The following HUWE1 variants were observed in gnomAD, a reference collection of about 807,000 sequenced individuals.
The protein encoded by HUWE1 is HECT, UBA and WWE domain containing E3 ubiquitin protein ligase 1.
HUWE1 carries 18 observed loss-of-function variants against 299.4 expected under a neutral mutation model. The ratio of observed to expected loss-of-function variants is 0.06; its 90% CI spans 0.04 to 0.09. The LOEUF is 0.09. HUWE1 is among the 10% of genes least tolerant of loss of function. The pLI is 1.00. For synonymous variants in HUWE1, 1,317 were observed against 1,286.1 expected (o/e 1.02, Z -0.51); for missense variants, 1,832 against 3,462.3 (o/e 0.53, Z 11.82).
intron 55 of HUWE1, 92 bp downstream of exon 55, chrX:53,561,664 G>A: frequency 8.5e-7 from 1 of 1,169,713 alleles, no homozygotes; most frequent in Non-Finnish European, 1.2e-6. Flanking sequence ...AGTGCTGTCT[G>A]TATCGGATCG....
At chrX:53,560,724 C>T (rs1569444012) in intron 55 of HUWE1, among the ~76,000 whole-genome samples, 1 of 111,957 alleles carries the variant, frequency 8.9e-6, no homozygotes, top group Non-Finnish European at 1.9e-5. Flanking sequence ...AGACTCCTCT[C>T]CCGCTTCTTT....
At chrX:53,601,392 C>T (rs782073528) in intron 28 of HUWE1, among the ~76,000 whole-genome samples, 1 of 110,070 alleles carries the variant, frequency 9.1e-6, no homozygotes, top group Non-Finnish European at 1.9e-5. Context: ...TCATGTTGCC[C>T]AAGCGGGTCT....
chrX:53,537,702 G>A lies in HUWE1; in HGVS notation c.11997-6C>T. 1 of 1,206,940 alleles carries A rather than the reference G, an allele frequency of 8.3e-7. No homozygotes were observed. The highest frequency in any genetic ancestry group is 1.1e-6 in the Non-Finnish European group (1 of 892,912). ...CCAGCTCTTGGCGGAAATATCTTGG[G>A]AGGTAGAAAAGGAAGGAAGATAGGA... On this transcript the variant is annotated splice_region_variant and splice_polypyrimidine_tract_variant and intron_variant, in intron 77 of 83. Coordinates refer to ENST00000262854, the MANE Select transcript of HUWE1 (RefSeq NM_031407.7).
chrX:53,647,859 AGAACT>A (rs1352656969), intron 5 of HUWE1, among the ~76,000 whole-genome samples: 4 of 112,503 alleles, frequency 3.6e-5, no homozygotes, highest in Admixed American at 2.8e-4. Context: ...CGAAGACAAG[AGAACT>A]ATCCTTGCCA....
intron 3 of HUWE1, among the ~76,000 whole-genome samples, chrX:53,657,799 C>T (rs1434395803): frequency 9.0e-6 from 1 of 110,571 alleles, no homozygotes; most frequent in Non-Finnish European, 1.9e-5. Flanking sequence ...TCTGCAATCC[C>T]AGCACTTTGG....
intron 48 of HUWE1, among the ~76,000 whole-genome samples, chrX:53,569,152 G>C (rs782626549): frequency 9.0e-6 from 1 of 111,048 alleles, no homozygotes; most frequent in Non-Finnish European, 1.9e-5. Flanking sequence ...TCAGCCTCCC[G>C]AGTAGCTGGG....
At chrX:53,590,371 CA>C in intron 35 of HUWE1, 32 bp downstream of exon 35, 1 of 927,399 alleles carries the variant, frequency 1.1e-6, no homozygotes, top group Non-Finnish European at 1.6e-6. Flanking sequence ...ATTCATGTGC[CA>C]AGCCCTTTAG....
intron 7 of HUWE1, among the ~76,000 whole-genome samples, chrX:53,637,393 A>G (rs1176016836): frequency 8.9e-6 from 1 of 112,846 alleles, no homozygotes; most frequent in Non-Finnish European, 1.9e-5. Flanking sequence ...GCTGAAAACC[A>G]TAAAGTAAGG....
rs1259360238 is a variant in HUWE1 at position 53,668,170 on chromosome X, G to A, written c.-25+11879C>T. Among the ~76,000 whole-genome samples the A allele has an allele frequency of 3.6e-5, 4 of 110,551 alleles. No homozygotes were observed. The East Asian group carries it at 1.1e-3, about 31-fold the overall frequency. ...AAAGATCAAACCTCCCCGGCCGGGC[G>A]CGGTGGCTCACCCCTATAATCCTAG... On this transcript the variant is annotated intron_variant, in intron 3 of 83. Transcript: ENST00000262854.
At chrX:53,613,038 C>T (rs2065583273) in intron 23 of HUWE1, among the ~76,000 whole-genome samples, 1 of 110,899 alleles carries the variant, frequency 9.0e-6, no homozygotes, top group Non-Finnish European at 1.9e-5. Context: ...GAAAAGGAAC[C>T]CCACACTCCA....
At chrX:53,605,877 C>T (rs2065121793) in intron 25 of HUWE1, among the ~76,000 whole-genome samples, 1 of 111,355 alleles carries the variant, frequency 9.0e-6, no homozygotes, top group African/African-American at 3.3e-5. Flanking sequence ...TATATATGGT[C>T]AAATGATTTT....
At chrX:53,600,402 T>C (rs1451912647) in intron 28 of HUWE1, 93 bp from the exon 29 acceptor site, 4 of 676,036 alleles carry the variant, frequency 5.9e-6, no homozygotes, top group Admixed American at 6.8e-5. Flanking sequence ...CTATGGTTTT[T>C]GTTACTCTTT....
At chrX:53,538,228 A>G in intron 77 of HUWE1, 109 bp downstream of exon 77, 1 of 560,308 alleles carries the variant, frequency 1.8e-6, no homozygotes. Context: ...CCACCATTCC[A>G]AGTGCTGTCA....
chrX:53,589,264 G>T (rs782382989), intron 36 of HUWE1, among the ~76,000 whole-genome samples: 52 of 112,075 alleles, frequency 4.6e-4, no homozygotes, highest in Admixed American at 6.6e-4. Context: ...CATTTATTCA[G>T]TATTAGTCCA....
At chrX:53,602,500 A>G (rs1385132817) in intron 28 of HUWE1, 64 bp downstream of exon 28, 2 of 652,677 alleles carry the variant, frequency 3.1e-6, no homozygotes, top group East Asian at 6.8e-5. Context: ...TTCATAATAA[A>G]CCTATAAAGA....
Position 53,628,620 on chromosome X carries a change from T to C in HUWE1, c.1115A>G (p.Asp372Gly). 6 of 1,177,806 alleles carry C rather than the reference T, an allele frequency of 5.1e-6. No homozygotes were observed. Among genetic ancestry groups the C allele is most frequent in the Non-Finnish European group, 6.8e-6 (6 of 877,945 alleles). ...LVRNCIQAMIDPSMDPYPHQF... is the reference protein window; with the variant it reads ...LVRNCIQAMIGPSMDPYPHQF... Reference sequence around the variant, plus strand: ...GTGAGGGTATGGATCCATGGAAGGATCTACAAGGGAGGTGGGGAGAGGGAG... The same window carrying C: ...GTGAGGGTATGGATCCATGGAAGGACCTACAAGGGAGGTGGGGAGAGGGAG... The change falls in exon 15 of 84, where the codon GAT becomes GGT. Residue 372 changes from aspartate to glycine, a missense_variant and splice_region_variant. Asp to Gly is a moderately conservative substitution (Grantham distance 94, BLOSUM62 -1). Coordinates refer to ENST00000262854, the MANE Select transcript of HUWE1 (RefSeq NM_031407.7).
rs781995901 is a variant in HUWE1 at position 53,596,264 on chromosome X, A to G, written c.3164-861T>C. On this transcript the variant is annotated intron_variant, in intron 29 of 83. Transcript: ENST00000262854. Reference sequence around the variant, plus strand: ...TTATGTGTGAATTTTTTTTCAATAGATATACTGAAAATTTTGGAGATTGGT... The same window carrying G: ...TTATGTGTGAATTTTTTTTCAATAGGTATACTGAAAATTTTGGAGATTGGT... Among the ~76,000 whole-genome samples, 5 of 111,606 alleles carry G rather than the reference A, an allele frequency of 4.5e-5. No individual in the cohort carries two copies. In the East Asian group the frequency reaches 1.4e-3, roughly 31 times the overall value.
intron 7 of HUWE1, among the ~76,000 whole-genome samples, chrX:53,643,611 C>A (rs1252608108): frequency 1.8e-5 from 2 of 111,718 alleles, no homozygotes; most frequent in African/African-American, 6.5e-5. Context: ...CTCGGCCCCC[C>A]AAAGTGTTGG....
In HUWE1 at chrX:53,574,008, A is replaced by T. The variant is rs2062966549; in HGVS notation, c.6098-44T>A. 3.7e-6 allele frequency: 4 copies of T among 1,086,198 alleles called. No individual in the cohort carries two copies. In the East Asian group the frequency reaches 1.2e-4, roughly 33 times the overall value. The allele number at this position is 1,086,198 out of a possible 1,213,427, so 89.5% of individuals were successfully genotyped here. On this transcript the variant is annotated intron_variant, in intron 46 of 83. Coordinates refer to ENST00000262854, the MANE Select transcript of HUWE1 (RefSeq NM_031407.7). ...CACTGGTTCAATTCCACACTGGAAC[A>T]CTGGCAAAATCAAGTCTTAGGTGGA...
Sources: gnomAD v4.1 joint callset for allele counts (sites outside exome capture counted in the v4.1 genomes callset) on GRCh38, gnomAD v4.1.1 for gene constraint, MANE v1.5 for transcripts, NCBI Gene and HGNC (gene_info 2026-07-23, HGNC 2026-07-21) for gene names.